DNAJC17: variants seen among roughly 807,000 people sequenced by gnomAD.
DNAJC17 encodes DnaJ heat shock protein family (Hsp40) member C17, also known as dnaJ homolog subfamily C member 17.
A neutral mutation model predicts 48.1 loss-of-function variants in DNAJC17; 35 were observed. That is an observed-to-expected ratio of 0.73 (90% confidence interval 0.56 to 0.96). The LOEUF (loss-of-function observed/expected upper bound fraction) is 0.96. Among genes scored for constraint, DNAJC17 ranks in the 50% least tolerant of loss-of-function variants. The pLI, the probability that DNAJC17 is intolerant of heterozygous loss-of-function variation, is 0.00. For synonymous variants in DNAJC17, 117 were observed against 142.7 expected, an observed-to-expected ratio of 0.82 and a Z score of 1.28; for missense variants, 355 against 377.1, an observed-to-expected ratio of 0.94 and a Z score of 0.48.
chr15:40,780,012 C>G lies in DNAJC17; in HGVS notation c.79-15G>C, dbSNP rs747054090. 3 of 1,613,056 alleles carry G rather than the reference C, an allele frequency of 1.9e-6. No individual in the cohort carries two copies. In the African/African-American group the frequency reaches 4.0e-5, roughly 22 times the overall value. On this transcript the variant is annotated splice_polypyrimidine_tract_variant and intron_variant, in intron 1 of 10. Transcript: ENST00000220496. ...GCCTTCTTTACCTGGAAGAGTCAGA[C>G]AGAAGACATGGCCATTCACTCTCAT...
intron 1 of DNAJC17, among the ~76,000 whole-genome samples, chr15:40,786,996 T>C (rs1379597691): frequency 6.6e-6 from 1 of 152,176 alleles, no homozygotes; most frequent in African/African-American, 2.4e-5. Context: ...GTGTCAGGCT[T>C]TTCATTTGCT....
chr15:40,792,895 CTTT>C (rs563611021), intron 1 of DNAJC17, among the ~76,000 whole-genome samples: 3 of 126,288 alleles, frequency 2.4e-5, no homozygotes, highest in Admixed American at 7.9e-5. Context: ...AAGATCCCTT[CTTT>C]TTTTTTTTTT....
chr15:40,768,003 C>T lies in DNAJC17; in HGVS notation c.852G>A (p.Ala284=), dbSNP rs151327520. ...GTGCGATCAGCTGTTGCCGCTCGGC[C>T]GCCTGGCGCATGCGCATCATGACGA... ...ESLVMMRMRQ[A]AERQQLIARM... The change falls in exon 11 of 11, where the codon GCG becomes GCA. Residue 284 remains alanine (A), a synonymous_variant. Transcript: ENST00000220496. The T allele has an allele frequency of 1.1e-4, 175 of 1,604,410 alleles. No homozygotes were observed. The highest frequency in any genetic ancestry group is 1.3e-4 in the Non-Finnish European group (156 of 1,177,226).
At chr15:40,786,878 C>T (rs1889657779) in intron 1 of DNAJC17, among the ~76,000 whole-genome samples, 1 of 152,186 alleles carries the variant, frequency 6.6e-6, no homozygotes, top group African/African-American at 2.4e-5. Context: ...CACTGTCTAC[C>T]ACCCTTTTTC....
At chr15:40,800,955 CAAAA>C (rs755967211) in intron 1 of DNAJC17, among the ~76,000 whole-genome samples, 1 of 107,824 alleles carries the variant, frequency 9.3e-6, no homozygotes, top group Admixed American at 1.0e-4. Flanking sequence ...GACTCCGTCT[CAAAA>C]AAAAAAAAAA....
chr15:40,799,855 CTTT>C (rs1485074378), intron 1 of DNAJC17, among the ~76,000 whole-genome samples: 1 of 152,042 alleles, frequency 6.6e-6, no homozygotes, highest in Non-Finnish European at 1.5e-5. Flanking sequence ...TCTCTTTTTA[CTTT>C]TTATTTTTAG....
At chr15:40,779,110 C>A in intron 4 of DNAJC17, 113 bp downstream of exon 4, 1 of 1,069,200 alleles carries the variant, frequency 9.4e-7, no homozygotes, top group Non-Finnish European at 1.4e-6. Context: ...TTGCCCAGAG[C>A]CTGAGCCAAA....
rs373821765 is a variant in DNAJC17, at chr15:40,793,095, A to G, written c.79-13098T>C. Among the ~76,000 whole-genome samples, 10 of 151,834 alleles carry G rather than the reference A, an allele frequency of 6.6e-5. No homozygotes were observed. In the East Asian group the frequency reaches 1.2e-3, roughly 18 times the overall value. ...TTTTTAGTAGAGACGGGGTTTCACC[A>G]TGTTAGCCAGGATGGTCTCGATCTC... On this transcript the variant is annotated intron_variant, in intron 1 of 10. Transcript: ENST00000220496.
intron 6 of DNAJC17, 28 bp downstream of exon 6, chr15:40,776,168 G>A (rs1889312873): frequency 6.2e-7 from 1 of 1,607,254 alleles, no homozygotes; most frequent in African/African-American, 1.3e-5. Flanking sequence ...ACCTTGGAGG[G>A]GAGATAGGCG....
intron 1 of DNAJC17, chr15:40,780,662 A>C: frequency 3.8e-6 from 1 of 261,052 alleles, no homozygotes; most frequent in Non-Finnish European, 7.6e-6. Flanking sequence ...AAATATACAA[A>C]AATTAGCTAG....
At position 40,767,307 on chromosome 15, in the gene DNAJC17, G is replaced by A. The variant is rs749155056; in HGVS notation, c.*633C>T. Reference sequence around the variant, plus strand: ...GGGGCTTCCGTGTGCTGAGCATGACGGGGGTGGGCCAGACGCTGGTGTGGT... The same window carrying A: ...GGGGCTTCCGTGTGCTGAGCATGACAGGGGTGGGCCAGACGCTGGTGTGGT... On this transcript the variant is annotated 3_prime_UTR_variant, in exon 11 of 11. Transcript: ENST00000220496. 12 of 1,603,812 alleles carry A rather than the reference G, an allele frequency of 7.5e-6. No homozygotes were observed. The highest frequency in any genetic ancestry group is 1.3e-5 in the African/African-American group (1 of 74,224).
At chr15:40,805,441 G>T (rs192122037) in intron 1 of DNAJC17, among the ~76,000 whole-genome samples, 1 of 151,798 alleles carries the variant, frequency 6.6e-6, no homozygotes, top group African/African-American at 2.4e-5. Flanking sequence ...CAGCTACTCC[G>T]GAGGCTGAGG....
intron 1 of DNAJC17, among the ~76,000 whole-genome samples, chr15:40,804,139 T>TTA (rs1555384581): frequency 3.8e-4 from 58 of 150,816 alleles, no homozygotes; most frequent in African/African-American, 1.4e-3. Flanking sequence ...GCTTTTTTTT[T>TTA]TATATATAGA....
chr15:40,807,009 T>TG (rs1242367097), intron 1 of DNAJC17: 9 of 523,204 alleles, frequency 1.7e-5, no homozygotes, highest in Admixed American at 7.0e-5. Flanking sequence ...CAGAAGAGAC[T>TG]GAAATGAGGC....
chr15:40,800,482 TTTC>T (rs1280486711), intron 1 of DNAJC17, among the ~76,000 whole-genome samples: 2 of 151,858 alleles, frequency 1.3e-5, no homozygotes, highest in African/African-American at 4.8e-5. Context: ...AGATTGTCTT[TTTC>T]TTTTTTTTTT....
At chr15:40,785,066 C>A (rs1391214469) in intron 1 of DNAJC17, among the ~76,000 whole-genome samples, 1 of 152,074 alleles carries the variant, frequency 6.6e-6, no homozygotes, top group African/African-American at 2.4e-5. Flanking sequence ...CCATTGCACT[C>A]CAGCCTGGGA....
At chr15:40,771,320 G>A in intron 10 of DNAJC17, 1 of 451,158 alleles carries the variant, frequency 2.2e-6, no homozygotes, top group African/African-American at 2.0e-5. Context: ...GGGAGGCTGT[G>A]CCGGGAAAGG....
In DNAJC17 at chr15:40,767,476, GC is replaced by G. The variant is rs1888977102; in HGVS notation, c.*463del. Reference sequence around the variant, plus strand: ...CCAAATCATCACCGCCATGGGCCCAGCCCCAAAGGGCAGTGAATGGCCTTCT... The same window carrying G: ...CCAAATCATCACCGCCATGGGCCCAGCCCAAAGGGCAGTGAATGGCCTTCT... On this transcript the variant is annotated 3_prime_UTR_variant, in exon 11 of 11. Transcript: ENST00000220496. 8.1e-6 allele frequency: 9 copies of G among 1,104,572 alleles called. No homozygotes were observed. In the South Asian group the frequency reaches 1.5e-4, roughly 19 times the overall value. The allele number at this position is 1,104,572 out of a possible 1,614,324, so 68.4% of individuals were successfully genotyped here. A position where few individuals can be genotyped will look rare whatever the true frequency, so the allele number is the denominator to read the frequency against.
chr15:40,786,777 C>T (rs1022125705), intron 1 of DNAJC17, among the ~76,000 whole-genome samples: 7 of 152,172 alleles, frequency 4.6e-5, no homozygotes, highest in African/African-American at 1.7e-4. Flanking sequence ...CTCAGAAGGA[C>T]GAAGATCTCA....
Sources: gnomAD v4.1 joint callset for allele counts (sites outside exome capture counted in the v4.1 genomes callset) on GRCh38, gnomAD v4.1.1 for gene constraint, MANE v1.5 for transcripts, NCBI Gene and HGNC (gene_info 2026-07-23, HGNC 2026-07-21) for gene names.